CLYBL: variants seen among roughly 807,000 people sequenced by gnomAD.
CLYBL encodes the protein citramalyl-CoA lyase, also known as citramalyl-CoA lyase, mitochondrial.
CLYBL carries 31 observed loss-of-function variants against 38.9 expected under a neutral mutation model. The ratio of observed to expected loss-of-function variants is 0.80; its 90% confidence interval spans 0.60 to 1.08. CLYBL has a LOEUF of 1.08. CLYBL is among the 50% of genes least tolerant of loss of function. The pLI is 0.00. For missense variants in CLYBL, 434 were observed against 411.6 expected (o/e 1.05, Z -0.47); for synonymous variants, 171 against 158.6 (o/e 1.08, Z -0.59).
chr13:99,720,393 T>C (rs918456210), intron 1 of CLYBL, among the ~76,000 whole-genome samples: 5 of 152,226 alleles, frequency 3.3e-5, no homozygotes, highest in Non-Finnish European at 7.3e-5. Flanking sequence ...TTCAGTACTT[T>C]GTTTTAAATG....
At chr13:99,749,871 T>C (rs762792845) in intron 1 of CLYBL, among the ~76,000 whole-genome samples, 1 of 152,114 alleles carries the variant, frequency 6.6e-6, no homozygotes, top group African/African-American at 2.4e-5. Context: ...TTCTTCAAAA[T>C]AGGGAAGGAA....
intron 1 of CLYBL, among the ~76,000 whole-genome samples, chr13:99,658,618 CGGGGTGTGGACAGGAACAAGGAGGT>C (rs1037542777): frequency 3.9e-5 from 6 of 152,004 alleles, no homozygotes; most frequent in African/African-American, 1.5e-4. Context: ...GGCAGCGGGG[CGGGGTGTGGACAGGAACAAGGAGGT>C]GGGGTGGGGA....
intron 7 of CLYBL, among the ~76,000 whole-genome samples, chr13:99,890,981 T>C (rs1425787108): frequency 1.3e-5 from 2 of 152,236 alleles, no homozygotes; most frequent in Admixed American, 6.5e-5. Flanking sequence ...TTTAAAGTTC[T>C]ACATAATATT....
intron 3 of CLYBL, among the ~76,000 whole-genome samples, chr13:99,860,042 G>T (rs544872434): frequency 1.3e-5 from 2 of 152,208 alleles, no homozygotes; most frequent in African/African-American, 4.8e-5. Flanking sequence ...GAATGCACCC[G>T]ATGTGTGAGG....
At chr13:99,739,932 T>C (rs1023487754) in intron 1 of CLYBL, among the ~76,000 whole-genome samples, 2 of 151,914 alleles carry the variant, frequency 1.3e-5, no homozygotes, top group Admixed American at 6.6e-5. Context: ...GATCGTACCA[T>C]TGCACTCCGG....
chr13:99,666,093 T>C (rs1156373481), intron 1 of CLYBL, among the ~76,000 whole-genome samples: 1 of 152,140 alleles, frequency 6.6e-6, no homozygotes, highest in Non-Finnish European at 1.5e-5. Flanking sequence ...ACAGGACTAC[T>C]TGCTAGAAGG....
At chr13:99,830,076 CG>C (rs2050776004) in intron 2 of CLYBL, among the ~76,000 whole-genome samples, 1 of 152,102 alleles carries the variant, frequency 6.6e-6, no homozygotes, top group African/African-American at 2.4e-5. Context: ...GCTCTCCCCC[CG>C]GCATCAGAGT....
At position 99,731,384 on chromosome 13, in the gene CLYBL, A is replaced by G. The variant is rs542590529; in HGVS notation, c.63-41440A>G. ...CCCAGGGGCTCATACCTGTAATCCCAGCACTTTGGGAGGCCATGGTGGGAG... is the reference window on the plus strand; with the variant it reads ...CCCAGGGGCTCATACCTGTAATCCCGGCACTTTGGGAGGCCATGGTGGGAG... On this transcript the variant is annotated intron_variant, in intron 1 of 8. Transcript: ENST00000339105. Among the ~76,000 whole-genome samples, 3 of 151,702 alleles carry G rather than the reference A, an allele frequency of 2.0e-5. No homozygotes were observed. The South Asian group carries it at 6.2e-4, about 32-fold the overall frequency.
At chr13:99,778,724 G>T (rs1157279865) in intron 2 of CLYBL, among the ~76,000 whole-genome samples, 2 of 152,112 alleles carry the variant, frequency 1.3e-5, no homozygotes, top group African/African-American at 4.8e-5. Context: ...GAGGTGTGGG[G>T]CTGTCTAAGC....
intron 1 of CLYBL, among the ~76,000 whole-genome samples, chr13:99,702,756 A>G (rs1020839604): frequency 5.3e-5 from 8 of 152,178 alleles, no homozygotes; most frequent in Non-Finnish European, 1.0e-4. Context: ...GAGGAAAAAG[A>G]TTAAGATGCT....
intron 1 of CLYBL, among the ~76,000 whole-genome samples, chr13:99,625,481 T>C (rs1378219483): frequency 1.3e-5 from 2 of 152,178 alleles, no homozygotes; most frequent in African/African-American, 2.4e-5. Context: ...GGGGAATTAG[T>C]AAAAATGTTA....
intron 2 of CLYBL, among the ~76,000 whole-genome samples, chr13:99,809,203 T>C (rs2050290935): frequency 6.6e-6 from 1 of 152,204 alleles, no homozygotes; most frequent in Admixed American, 6.5e-5. Flanking sequence ...ATAAATATAA[T>C]TTAACAAATA....
At chr13:99,750,998 C>T (rs886627419) in intron 1 of CLYBL, among the ~76,000 whole-genome samples, 1 of 152,134 alleles carries the variant, frequency 6.6e-6, no homozygotes, top group South Asian at 2.1e-4. Context: ...ATCCAGCAGT[C>T]CCACTTCTGG....
chr13:99,808,273 A>G (rs1053720005), intron 2 of CLYBL, among the ~76,000 whole-genome samples: 5 of 152,020 alleles, frequency 3.3e-5, no homozygotes, highest in African/African-American at 1.2e-4. Flanking sequence ...TTTTGTAGAG[A>G]TGGAGTACTG....
intron 2 of CLYBL, among the ~76,000 whole-genome samples, chr13:99,797,698 AT>A (rs1566331147): frequency 6.6e-6 from 1 of 151,928 alleles, no homozygotes; most frequent in Non-Finnish European, 1.5e-5. Flanking sequence ...GTTCCACGTG[AT>A]TTTGTGGACA....
intron 2 of CLYBL, among the ~76,000 whole-genome samples, chr13:99,805,701 A>G (rs2050219352): frequency 6.6e-6 from 1 of 152,160 alleles, no homozygotes; most frequent in Non-Finnish European, 1.5e-5. Flanking sequence ...CCTTATTTTT[A>G]TGGACAAGTC....
intron 1 of CLYBL, among the ~76,000 whole-genome samples, chr13:99,733,593 G>A (rs183632813): frequency 4.7e-4 from 72 of 152,246 alleles, no homozygotes; most frequent in African/African-American, 1.6e-3. Context: ...TGGGCATTCC[G>A]CCCATCGACT....
At chr13:99,708,300 C>G (rs2048176996) in intron 1 of CLYBL, among the ~76,000 whole-genome samples, 1 of 152,166 alleles carries the variant, frequency 6.6e-6, no homozygotes, top group African/African-American at 2.4e-5. Flanking sequence ...GTGTTTTGTA[C>G]AGTGGTCCCA....
chr13:99,759,180 T>A (rs932611166), intron 1 of CLYBL, among the ~76,000 whole-genome samples: 1 of 152,226 alleles, frequency 6.6e-6, no homozygotes, highest in Non-Finnish European at 1.5e-5. Flanking sequence ...AAGTGCTCAC[T>A]GAATGAATGA....
Sources: allele counts gnomAD v4.1 joint callset (sites outside exome capture counted in the v4.1 genomes callset), GRCh38; gene constraint gnomAD v4.1.1; transcripts MANE v1.5; gene names NCBI Gene and HGNC (gene_info 2026-07-23, HGNC 2026-07-21).